ST6GALNAC3: variants seen among roughly 807,000 people sequenced by gnomAD.
The protein encoded by ST6GALNAC3 is alpha-N-acetylgalactosaminide alpha-2,6-sialyltransferase 3.
In ST6GALNAC3, 25 loss-of-function variants were observed where a neutral mutation model predicts 32.7. The observed-to-expected ratio is 0.76, with a 90% confidence interval of 0.56 to 1.07. The LOEUF (loss-of-function observed/expected upper bound fraction) is 1.07, where lower values mean the gene tolerates loss of function less well. ST6GALNAC3 is among the 50% of genes least tolerant of loss of function. The pLI is 0.00. For missense variants in ST6GALNAC3, 355 were observed against 382.4 expected (o/e 0.93, Z 0.60); for synonymous variants, 129 against 133.1 (o/e 0.97, Z 0.21).
At chr1:76,444,444 A>G (rs773138793) in intron 3 of ST6GALNAC3, among the ~76,000 whole-genome samples, 10 of 152,242 alleles carry the variant, frequency 6.6e-5, no homozygotes, top group African/African-American at 1.4e-4. Flanking sequence ...AGGCAAGTTC[A>G]TGAAACACTG....
intron 2 of ST6GALNAC3, among the ~76,000 whole-genome samples, chr1:76,315,811 C>T (rs1347835490): frequency 1.3e-5 from 2 of 151,974 alleles, no homozygotes; most frequent in Admixed American, 6.6e-5. Flanking sequence ...TAAAATAAGT[C>T]GAAGTATATG....
chr1:76,223,674 A>G (rs1215203145), intron 1 of ST6GALNAC3, among the ~76,000 whole-genome samples: 3 of 152,144 alleles, frequency 2.0e-5, no homozygotes, highest in African/African-American at 7.2e-5. Flanking sequence ...AACCTGTGTA[A>G]TAGTGTTTTC....
chr1:76,603,861 A>G (rs1275596805), intron 3 of ST6GALNAC3, among the ~76,000 whole-genome samples: 8 of 152,160 alleles, frequency 5.3e-5, no homozygotes, highest in Non-Finnish European at 1.2e-4. Context: ...TTATTATTCT[A>G]TGGGCCTATG....
chr1:76,438,438 C>T (rs1399332705), intron 3 of ST6GALNAC3, among the ~76,000 whole-genome samples: 2 of 152,130 alleles, frequency 1.3e-5, no homozygotes, highest in East Asian at 3.9e-4. Flanking sequence ...CCCGCCTGGC[C>T]CATATTCTGA....
At chr1:76,591,415 T>C (rs1182087168) in intron 3 of ST6GALNAC3, among the ~76,000 whole-genome samples, 2 of 152,286 alleles carry the variant, frequency 1.3e-5, no homozygotes, top group East Asian at 3.9e-4. Context: ...GTGTGTGTGG[T>C]GGAGGGTCCT....
Position 76,493,086 on chromosome 1 carries a change from T to C in ST6GALNAC3, c.623+80669T>C, listed in dbSNP as rs139188675. Reference sequence around the variant, plus strand: ...CATCAGACCTCTCTTATACTTCATTTTACTTCCCACCACATTCAATTTCAG... The same window carrying C: ...CATCAGACCTCTCTTATACTTCATTCTACTTCCCACCACATTCAATTTCAG... On this transcript the variant is annotated intron_variant, in intron 3 of 4. Transcript: ENST00000328299. Among the ~76,000 whole-genome samples the C allele has an allele frequency of 2.9e-3, 439 of 152,198 alleles. 4 individuals are homozygous for C. The Middle Eastern group carries it at 0.044, about 15-fold the overall frequency.
intron 1 of ST6GALNAC3, among the ~76,000 whole-genome samples, chr1:76,143,393 G>GTGTGTGTGTC (rs1491578299): frequency 1.7e-4 from 1 of 5,832 alleles, no homozygotes; most frequent in Non-Finnish European, 0.036. Flanking sequence ...TTACCAAGTC[G>GTGTGTGTGTC]TGTGTGTGTG....
intron 1 of ST6GALNAC3, among the ~76,000 whole-genome samples, chr1:76,225,948 T>G (rs983769696): frequency 3.3e-5 from 5 of 152,190 alleles, no homozygotes; most frequent in African/African-American, 9.7e-5. Context: ...ACCAAATATT[T>G]TCTTTAATGT....
intron 3 of ST6GALNAC3, among the ~76,000 whole-genome samples, chr1:76,601,685 G>T (rs1386842141): frequency 6.6e-6 from 1 of 152,182 alleles, no homozygotes; most frequent in Non-Finnish European, 1.5e-5. Flanking sequence ...CCAGTCAGTG[G>T]CCAAGCCAGG....
rs397861238 is a variant in ST6GALNAC3, at chr1:76,478,760, C to CTTTTTTTT, written c.623+66356_623+66363dup. 4.8e-4 allele frequency among the ~76,000 whole-genome samples: 52 copies of CTTTTTTTT among 109,052 alleles called. 1 individual carries two copies. The highest frequency in any genetic ancestry group is 7.2e-4 in the Non-Finnish European group (40 of 55,612). 71.5% of individuals were successfully genotyped at this position (109,052 alleles called of 152,430 possible). A position where few individuals can be genotyped will look rare whatever the true frequency, so the allele number is the denominator to read the frequency against. On this transcript the variant is annotated intron_variant, in intron 3 of 4. Coordinates refer to ENST00000328299, the MANE Select transcript of ST6GALNAC3 (RefSeq NM_152996.4). ...TATTCCTTCCCCTAGTTTATTAATT[C>CTTTTTTTT]TTTTTTTTTTTTTTTTTTTTGAGAT...
rs576917112 is a variant in ST6GALNAC3, at chr1:76,549,683, G to A, written c.624-77769G>A. Among the ~76,000 whole-genome samples, 19 of 152,084 alleles carry A rather than the reference G, an allele frequency of 1.2e-4. No homozygotes were observed. The South Asian group carries it at 2.9e-3, about 23-fold the overall frequency. ...ATATTTTTTTTTGTCACACATGTGA[G>A]GGTTTCTTAGTCTAAGATATATACC... On this transcript the variant is annotated intron_variant, in intron 3 of 4. Coordinates refer to ENST00000328299, the MANE Select transcript of ST6GALNAC3 (RefSeq NM_152996.4).
At chr1:76,307,373 T>G (rs1298973373) in intron 1 of ST6GALNAC3, among the ~76,000 whole-genome samples, 2 of 152,172 alleles carry the variant, frequency 1.3e-5, no homozygotes, top group African/African-American at 4.8e-5. Flanking sequence ...GAAGCTTTAT[T>G]GCATTCAGAG....
intron 3 of ST6GALNAC3, among the ~76,000 whole-genome samples, chr1:76,543,250 A>G (rs1184574071): frequency 6.6e-6 from 1 of 152,184 alleles, no homozygotes; most frequent in Non-Finnish European, 1.5e-5. Flanking sequence ...AATATCTGAC[A>G]ACCACTCACT....
At chr1:76,231,399 C>T (rs1246953761) in intron 1 of ST6GALNAC3, among the ~76,000 whole-genome samples, 1 of 152,120 alleles carries the variant, frequency 6.6e-6, no homozygotes, top group Non-Finnish European at 1.5e-5. Context: ...TACAATTCAG[C>T]AGTATTAAGT....
intron 3 of ST6GALNAC3, among the ~76,000 whole-genome samples, chr1:76,580,580 T>G (rs2100544673): frequency 6.6e-6 from 1 of 152,276 alleles, no homozygotes. Flanking sequence ...GAATTCTAAC[T>G]TTTTGGTAGC....
chr1:76,226,352 G>T (rs1447140336), intron 1 of ST6GALNAC3, among the ~76,000 whole-genome samples: 1 of 152,152 alleles, frequency 6.6e-6, no homozygotes, highest in Non-Finnish European at 1.5e-5. Flanking sequence ...GCTCTCCAAG[G>T]GAGCCTTCAT....
chr1:76,452,237 T>C (rs1418215588), intron 3 of ST6GALNAC3, among the ~76,000 whole-genome samples: 2 of 152,172 alleles, frequency 1.3e-5, no homozygotes, highest in Non-Finnish European at 2.9e-5. Context: ...GGAGTTTCCC[T>C]GCACAAGCTC....
chr1:76,528,085 T>C (rs1288619591), intron 3 of ST6GALNAC3, among the ~76,000 whole-genome samples: 1 of 152,142 alleles, frequency 6.6e-6, no homozygotes, highest in African/African-American at 2.4e-5. Flanking sequence ...ATATTCCTAC[T>C]TCACAGGTAA....
chr1:76,531,657 G>A (rs776024424), intron 3 of ST6GALNAC3, among the ~76,000 whole-genome samples: 13 of 151,996 alleles, frequency 8.6e-5, no homozygotes, highest in Admixed American at 3.3e-4. Flanking sequence ...ACAATTCCAG[G>A]TACAAAATAC....
Sources: gnomAD v4.1 joint callset for allele counts (sites outside exome capture counted in the v4.1 genomes callset) on GRCh38, gnomAD v4.1.1 for gene constraint, MANE v1.5 for transcripts, NCBI Gene and HGNC (gene_info 2026-07-23, HGNC 2026-07-21) for gene names.